The following THSD7B variants were observed in gnomAD, a reference collection of about 807,000 sequenced individuals.
THSD7B encodes the protein thrombospondin type-1 domain-containing protein 7B.
A neutral mutation model predicts 213.6 loss-of-function variants in THSD7B; 138 were observed. That is an observed-to-expected ratio of 0.65 (90% CI 0.56 to 0.74). The LOEUF (loss-of-function observed/expected upper bound fraction) is 0.74. Ranked by LOEUF, THSD7B falls within the 30% of genes least tolerant of loss-of-function variation. THSD7B has a pLI of 0.00. For synonymous variants in THSD7B, 742 were observed against 687.0 expected (o/e 1.08, Z -1.25); for missense variants, 1,931 against 1,991.5 (o/e 0.97, Z 0.58).
chr2:137,181,005 C>T (rs928579330), intron 7 of THSD7B, among the ~76,000 whole-genome samples: 5 of 152,156 alleles, frequency 3.3e-5, no homozygotes, highest in African/African-American at 1.2e-4. Flanking sequence ...AGAGAGATCA[C>T]CTGTACAACG....
chr2:137,314,836 G>T (rs1307914733), intron 12 of THSD7B, among the ~76,000 whole-genome samples: 1 of 152,216 alleles, frequency 6.6e-6, no homozygotes, highest in Non-Finnish European at 1.5e-5. Flanking sequence ...AGGGGTCAGG[G>T]ACCCACTTGA....
intron 12 of THSD7B, among the ~76,000 whole-genome samples, chr2:137,296,123 T>C (rs937094214): frequency 3.9e-5 from 6 of 152,212 alleles, no homozygotes; most frequent in African/African-American, 1.4e-4. Flanking sequence ...ATGAGTTTTA[T>C]TCTTCACATA....
chr2:137,637,104 A>C (rs925370464), intron 20 of THSD7B, among the ~76,000 whole-genome samples: 3 of 152,190 alleles, frequency 2.0e-5, no homozygotes, highest in Non-Finnish European at 2.9e-5. Flanking sequence ...ATCATTGCCA[A>C]AACAATTCCT....
At chr2:137,600,944 G>A (rs1216077199) in intron 17 of THSD7B, among the ~76,000 whole-genome samples, 4 of 152,064 alleles carry the variant, frequency 2.6e-5, no homozygotes, top group South Asian at 2.1e-4. Context: ...AAGCTAAAAC[G>A]TGTATTTATA....
intron 15 of THSD7B, among the ~76,000 whole-genome samples, chr2:137,555,807 C>A (rs140471606): frequency 0.023 from 3,504 of 152,170 alleles, 101 homozygotes; most frequent in Admixed American, 0.077. Context: ...AAAGACTAGA[C>A]GAATGGCTAG....
In THSD7B at chr2:137,392,160, C is replaced by A. The variant is rs192184478; in HGVS notation, c.2501-13453C>A. On this transcript the variant is annotated intron_variant, in intron 12 of 27. Coordinates refer to ENST00000409968, the MANE Select transcript of THSD7B (RefSeq NM_001316349.2). ...AAATTTGTTGAGGCTTGTTTTCAGC[C>A]TACAATGTGGTCTGTCCTAGAGAAT... Among the ~76,000 whole-genome samples the A allele has an allele frequency of 1.0e-3, 155 of 152,232 alleles. No individual in the cohort carries two copies. The Middle Eastern group carries it at 0.01, about 10-fold the overall frequency.
chr2:137,655,032 T>C (rs1415359640), intron 21 of THSD7B, among the ~76,000 whole-genome samples: 3 of 152,164 alleles, frequency 2.0e-5, no homozygotes, highest in East Asian at 1.9e-4. Flanking sequence ...AAACAAATTC[T>C]TGTGGCAACA....
chr2:137,023,828 T>C (rs1686492416), intron 2 of THSD7B, among the ~76,000 whole-genome samples: 1 of 152,276 alleles, frequency 6.6e-6, no homozygotes, highest in South Asian at 2.1e-4. Flanking sequence ...CCTGTGGGTA[T>C]GAGCCACCTA....
In THSD7B at chr2:137,272,661, C is replaced by T. The variant is rs375482277; in HGVS notation, c.2395C>T (p.Arg799Trp). The change falls in exon 11 of 28, where the codon CGG becomes TGG. Residue 799 changes from arginine (R) to tryptophan (W), a missense_variant and splice_region_variant. By Grantham distance (101) the Arg-to-Trp change is moderately radical. Transcript: ENST00000409968. ...AGATGTTTCCTTGTGTCCTGTATAT[C>T]GGCAAGTAGTTACCTTTTAAAATTA... Reference protein sequence around the residue: ...CEDVSLCPVYRWKPQKWSPCI... With the variant: ...CEDVSLCPVYWWKPQKWSPCI... The T allele has an allele frequency of 4.1e-5, 66 of 1,610,620 alleles. No homozygotes were observed. Among genetic ancestry groups the T allele is most frequent in the East Asian group, 2.2e-4 (10 of 44,756 alleles).
chr2:137,127,211 C>A (rs533286080), intron 5 of THSD7B, among the ~76,000 whole-genome samples: 10 of 152,200 alleles, frequency 6.6e-5, no homozygotes, highest in African/African-American at 2.4e-4. Context: ...GTAAAAAATG[C>A]AATAGCTGAA....
intron 12 of THSD7B, among the ~76,000 whole-genome samples, chr2:137,403,440 T>A (rs989684858): frequency 5.3e-5 from 8 of 152,264 alleles, no homozygotes; most frequent in African/African-American, 1.4e-4. Flanking sequence ...TATAAAAAGT[T>A]TTTAACAACA....
In THSD7B at chr2:136,954,123, C is replaced by T. The variant is rs991248694; in HGVS notation, c.139+71806C>T. 3.3e-5 allele frequency among the ~76,000 whole-genome samples: 5 copies of T among 152,244 alleles called. No homozygotes were observed. The East Asian group carries it at 5.8e-4, about 18-fold the overall frequency. ...CTGTAGTCACTGAGTTTGCAATAAT[C>T]GGTTGTTTTAAAAAATCATTAAACA... On this transcript the variant is annotated intron_variant, in intron 2 of 27. Coordinates refer to ENST00000409968, the MANE Select transcript of THSD7B (RefSeq NM_001316349.2).
intron 1 of THSD7B, among the ~76,000 whole-genome samples, chr2:136,848,255 G>A (rs148918795): frequency 2.0e-5 from 3 of 152,206 alleles, no homozygotes; most frequent in East Asian, 1.9e-4. Context: ...ACTATTAGGC[G>A]GCCCAGTGCA....
At chr2:137,381,882 G>A (rs1685783977) in intron 12 of THSD7B, among the ~76,000 whole-genome samples, 1 of 152,176 alleles carries the variant, frequency 6.6e-6, no homozygotes, top group South Asian at 2.1e-4. Context: ...AGCCTTTTCT[G>A]TTTGATGAGG....
intron 2 of THSD7B, among the ~76,000 whole-genome samples, chr2:136,992,397 A>G (rs1685802917): frequency 6.6e-6 from 1 of 152,236 alleles, no homozygotes; most frequent in East Asian, 1.9e-4. Flanking sequence ...AGCTCTTGCT[A>G]TTCCAGAGGT....
intron 14 of THSD7B, among the ~76,000 whole-genome samples, chr2:137,414,150 C>T (rs571624782): frequency 6.6e-6 from 1 of 152,054 alleles, no homozygotes; most frequent in African/African-American, 2.4e-5. Context: ...AATGCCATAG[C>T]AAAAGCTATT....
At chr2:137,308,888 T>C (rs1178902482) in intron 12 of THSD7B, among the ~76,000 whole-genome samples, 1 of 152,152 alleles carries the variant, frequency 6.6e-6, no homozygotes, top group Non-Finnish European at 1.5e-5. Flanking sequence ...ACAAAGCTAC[T>C]GATCATATGA....
chr2:137,376,023 G>A (rs1573992499), intron 12 of THSD7B, among the ~76,000 whole-genome samples: 1 of 152,260 alleles, frequency 6.6e-6, no homozygotes, highest in South Asian at 2.1e-4. Flanking sequence ...AATATACTTT[G>A]GCAAGTTGGG....
chr2:137,427,396 C>T (rs1687083219), intron 14 of THSD7B, among the ~76,000 whole-genome samples: 5 of 151,920 alleles, frequency 3.3e-5, no homozygotes, highest in Admixed American at 3.3e-4. Context: ...GATATGAAAA[C>T]AACTTATGTG....
Sources: gnomAD v4.1 joint callset for allele counts (sites outside exome capture counted in the v4.1 genomes callset) on GRCh38, gnomAD v4.1.1 for gene constraint, MANE v1.5 for transcripts, NCBI Gene and HGNC (gene_info 2026-07-23, HGNC 2026-07-21) for gene names.